Variants in FGGY observed in about 807,000 individuals in gnomAD.
FGGY encodes the protein FGGY carbohydrate kinase domain containing, also known as FGGY carbohydrate kinase domain-containing protein.
Under a neutral mutation model 71.3 loss-of-function variants are expected in FGGY, and 72 were observed. The observed-to-expected ratio is 1.01, with a 90% CI of 0.84 to 1.23. The LOEUF is 1.23. Ranked by LOEUF, FGGY falls within the 50% of genes most tolerant of loss-of-function variation. The pLI is 0.00. For missense variants in FGGY, 668 were observed against 682.3 expected, an observed-to-expected ratio of 0.98 and a Z score of 0.23; for synonymous variants, 251 against 250.3, an observed-to-expected ratio of 1.00 and a Z score of -0.02.
At chr1:59,501,770 C>T (rs1366744298) in intron 6 of FGGY, among the ~76,000 whole-genome samples, 1 of 152,128 alleles carries the variant, frequency 6.6e-6, no homozygotes, top group Non-Finnish European at 1.5e-5. Context: ...TGAATTCCAC[C>T]ACTGTGAATT....
intron 8 of FGGY, among the ~76,000 whole-genome samples, chr1:59,603,360 A>C (rs1442023851): frequency 6.6e-6 from 1 of 152,188 alleles, no homozygotes; most frequent in Non-Finnish European, 1.5e-5. Context: ...ATATTGATTA[A>C]ACCAAGACCA....
chr1:59,659,483 A>G (rs2097254906), intron 11 of FGGY, among the ~76,000 whole-genome samples: 1 of 152,204 alleles, frequency 6.6e-6, no homozygotes, highest in Non-Finnish European at 1.5e-5. Context: ...AAAGTGAACT[A>G]TGGTGCTGAT....
chr1:59,328,704 A>G (rs1403242122), intron 2 of FGGY, among the ~76,000 whole-genome samples: 1 of 151,920 alleles, frequency 6.6e-6, no homozygotes, highest in African/African-American at 2.4e-5. Context: ...CTAGCTTTAC[A>G]TTTAAAGTGA....
chr1:59,390,496 G>A (rs2060569329), intron 5 of FGGY, among the ~76,000 whole-genome samples: 1 of 152,162 alleles, frequency 6.6e-6, no homozygotes, highest in Non-Finnish European at 1.5e-5. Context: ...AGTGGGTGTG[G>A]TGCATACAAA....
intron 4 of FGGY, among the ~76,000 whole-genome samples, chr1:59,356,847 G>A (rs1052778318): frequency 6.6e-6 from 1 of 152,172 alleles, no homozygotes; most frequent in African/African-American, 2.4e-5. Flanking sequence ...TGTATGCAAA[G>A]TGAAGGCTCT....
chr1:59,536,817 C>G (rs895689170), intron 7 of FGGY, among the ~76,000 whole-genome samples: 2 of 152,154 alleles, frequency 1.3e-5, no homozygotes, highest in Admixed American at 1.3e-4. Flanking sequence ...TAAAAACTCT[C>G]AATAAATTAG....
chr1:59,474,479 T>C (rs57543249), intron 6 of FGGY, among the ~76,000 whole-genome samples: 9,553 of 152,234 alleles, frequency 0.063, 1,011 homozygotes, highest in African/African-American at 0.22. Flanking sequence ...GTCTTCTGAC[T>C]CTTAGTCCTG....
intron 5 of FGGY, among the ~76,000 whole-genome samples, chr1:59,417,823 A>T (rs2064728232): frequency 6.6e-6 from 1 of 152,338 alleles, no homozygotes; most frequent in South Asian, 2.1e-4. Flanking sequence ...TATAATAGGT[A>T]CTTAAATTTA....
At chr1:59,718,891 G>A (rs1260216991) in intron 14 of FGGY, among the ~76,000 whole-genome samples, 1 of 152,172 alleles carries the variant, frequency 6.6e-6, no homozygotes, top group East Asian at 1.9e-4. Flanking sequence ...GCCACTCCCA[G>A]TGCCCTTAGC....
chr1:59,617,713 G>T (rs114324674), intron 9 of FGGY, among the ~76,000 whole-genome samples: 1 of 152,038 alleles, frequency 6.6e-6, no homozygotes, highest in African/African-American at 2.4e-5. Context: ...AGGTGCTCTT[G>T]TTTGTCTCAC....
At position 59,512,301 on chromosome 1, in the gene FGGY, G is replaced by A. The variant is rs1236340477; in HGVS notation, c.671-10G>A. On this transcript the variant is annotated splice_polypyrimidine_tract_variant and intron_variant, in intron 6 of 15. Coordinates refer to ENST00000303721, the MANE Select transcript of FGGY (RefSeq NM_018291.5). ...ACTGATGGTGTTTGTTTTTTCTCAT[G>A]TCTACCCAGGAAACCAAGTGCTACC... 6 of 1,595,488 alleles carry A rather than the reference G, an allele frequency of 3.8e-6. No individual in the cohort carries two copies. Among genetic ancestry groups the A allele is most frequent in the Admixed American group, 1.8e-5 (1 of 56,758 alleles).
At chr1:59,407,376 A>G (rs1417284785) in intron 5 of FGGY, among the ~76,000 whole-genome samples, 1 of 152,162 alleles carries the variant, frequency 6.6e-6, no homozygotes, top group African/African-American at 2.4e-5. Flanking sequence ...GAGAAAAGGG[A>G]GGAGGGGGTG....
chr1:59,618,958 T>G (rs2096783292), intron 9 of FGGY, among the ~76,000 whole-genome samples: 1 of 151,990 alleles, frequency 6.6e-6, no homozygotes, highest in Non-Finnish European at 1.5e-5. Context: ...GCCTCCCTGT[T>G]CCCTTCTCCC....
intron 14 of FGGY, among the ~76,000 whole-genome samples, chr1:59,675,736 G>T (rs1264350489): frequency 3.9e-5 from 6 of 152,212 alleles, no homozygotes; most frequent in African/African-American, 9.7e-5. Flanking sequence ...CCTTCCTGCG[G>T]CAAATTATAA....
chr1:59,546,815 G>A (rs899791049), intron 7 of FGGY, among the ~76,000 whole-genome samples: 16 of 151,960 alleles, frequency 1.1e-4, no homozygotes, highest in African/African-American at 3.4e-4. Context: ...AAAGTGCTGG[G>A]ATTACAGGCG....
chr1:59,563,191 G>C (rs920884351), intron 8 of FGGY, among the ~76,000 whole-genome samples: 3 of 152,210 alleles, frequency 2.0e-5, no homozygotes, highest in Non-Finnish European at 4.4e-5. Context: ...CAAAGGGAAT[G>C]CTTCCAGCTT....
intron 14 of FGGY, among the ~76,000 whole-genome samples, chr1:59,743,541 T>A (rs1177357030): frequency 6.6e-6 from 1 of 151,890 alleles, no homozygotes. Context: ...AAGCAACTTA[T>A]TCAAAACAAC....
At chr1:59,709,138 C>G (rs1341630804) in intron 14 of FGGY, among the ~76,000 whole-genome samples, 1 of 152,146 alleles carries the variant, frequency 6.6e-6, no homozygotes. Flanking sequence ...TATAAAGATA[C>G]TACCTGAGAC....
intron 7 of FGGY, among the ~76,000 whole-genome samples, chr1:59,538,771 C>G (rs1370018468): frequency 1.3e-5 from 2 of 148,280 alleles, no homozygotes; most frequent in African/African-American, 5.0e-5. Flanking sequence ...CGCATATTCT[C>G]ACTCATAGGT....
Sources: allele counts gnomAD v4.1 joint callset (sites outside exome capture counted in the v4.1 genomes callset), GRCh38; gene constraint gnomAD v4.1.1; transcripts MANE v1.5; gene names NCBI Gene and HGNC (gene_info 2026-07-23, HGNC 2026-07-21).